UNC80: variants seen among roughly 807,000 people sequenced by gnomAD.
UNC80 encodes protein unc-80 homolog.
In UNC80, 164 loss-of-function variants were observed where a neutral mutation model predicts 384.6. The ratio of observed to expected loss-of-function variants is 0.43; its 90% CI spans 0.38 to 0.49. UNC80 has a LOEUF of 0.49. UNC80 is among the 20% of genes least tolerant of loss of function. The probability of loss-of-function intolerance (pLI) is 0.00; values close to 1 mark genes in which losing one functional copy is unlikely to be tolerated. For missense variants in UNC80, 3,330 were observed against 4,143.0 expected (o/e 0.80, Z 5.39); for synonymous variants, 1,486 against 1,527.8 (o/e 0.97, Z 0.64).
intron 24 of UNC80, among the ~76,000 whole-genome samples, chr2:209,879,139 AT>A (rs1417493383): frequency 5.9e-5 from 9 of 151,890 alleles, no homozygotes; most frequent in Non-Finnish European, 2.9e-5. Flanking sequence ...CCAAATTATT[AT>A]GTCAGTCTTT....
intron 47 of UNC80, among the ~76,000 whole-genome samples, chr2:209,948,344 C>T (rs954899743): frequency 7.2e-5 from 11 of 152,052 alleles, no homozygotes; most frequent in African/African-American, 2.4e-4. Flanking sequence ...TTGTTATCTT[C>T]GGTCTTTTTA....
intron 48 of UNC80, among the ~76,000 whole-genome samples, chr2:209,954,608 A>G (rs1575130933): frequency 6.6e-6 from 1 of 152,220 alleles, no homozygotes; most frequent in East Asian, 1.9e-4. Context: ...TAGTGAATTT[A>G]AAGATGTAAT....
chr2:209,834,908 A>G lies in UNC80; in HGVS notation c.2943-4A>G, dbSNP rs2081238769. ...GTAATTGTTGGAATGCACCATTTGC[A>G]TAGGTCAGAGGCGGGAAGCATTGTG... On this transcript the variant is annotated splice_polypyrimidine_tract_variant and splice_region_variant and intron_variant, in intron 17 of 64. Coordinates refer to ENST00000673920, the MANE Select transcript of UNC80 (RefSeq NM_001371986.1). 6.5e-7 allele frequency: 1 copy of G among 1,548,494 alleles called. No individual in the cohort carries two copies. The highest frequency in any genetic ancestry group is 8.7e-7 in the Non-Finnish European group (1 of 1,144,766).
intron 5 of UNC80, among the ~76,000 whole-genome samples, chr2:209,787,025 A>G (rs1380918766): frequency 1.4e-5 from 2 of 146,774 alleles, no homozygotes; most frequent in African/African-American, 2.5e-5. Flanking sequence ...ATATACCTAT[A>G]TATTTTTAAA....
chr2:209,902,396 A>C (rs2087513381), intron 28 of UNC80, among the ~76,000 whole-genome samples: 2 of 152,232 alleles, frequency 1.3e-5, no homozygotes, highest in African/African-American at 4.8e-5. Context: ...TACATAAACT[A>C]AGTTGATAAG....
chr2:209,843,257 A>G (rs940299349), intron 21 of UNC80, among the ~76,000 whole-genome samples: 1 of 152,246 alleles, frequency 6.6e-6, no homozygotes, highest in Non-Finnish European at 1.5e-5. Flanking sequence ...TAGTGTAACT[A>G]TTAAGCTTGA....
At chr2:209,926,747 G>A in intron 35 of UNC80, 96 bp from the exon 36 acceptor site, 1 of 1,455,576 alleles carries the variant, frequency 6.9e-7, no homozygotes, top group South Asian at 1.4e-5. Flanking sequence ...CTGTACTCCA[G>A]CCTGGGTGAC....
intron 22 of UNC80, among the ~76,000 whole-genome samples, chr2:209,867,586 T>A (rs2083944269): frequency 6.6e-6 from 1 of 152,172 alleles, no homozygotes; most frequent in South Asian, 2.1e-4. Context: ...TTTTTTCTTA[T>A]TCATCCACTG....
chr2:209,994,371 G>A (rs1489868254), intron 64 of UNC80, 107 bp downstream of exon 64: 10 of 1,021,840 alleles, frequency 9.8e-6, no homozygotes, highest in Non-Finnish European at 1.4e-5. Context: ...GGTCTGCAAT[G>A]CTTTGTTATC....
intron 22 of UNC80, among the ~76,000 whole-genome samples, chr2:209,854,974 C>T (rs2082792744): frequency 6.6e-6 from 1 of 152,172 alleles, no homozygotes; most frequent in Admixed American, 6.6e-5. Context: ...ATAAGTCATT[C>T]TACTGTAAAA....
intron 21 of UNC80, among the ~76,000 whole-genome samples, chr2:209,849,004 T>C: frequency 6.6e-6 from 1 of 152,266 alleles, no homozygotes; most frequent in African/African-American, 2.4e-5. Context: ...GCTGTACCAA[T>C]TTGTACAGCA....
intron 35 of UNC80, among the ~76,000 whole-genome samples, chr2:209,926,603 C>T (rs114109799): frequency 3.9e-5 from 6 of 152,064 alleles, no homozygotes; most frequent in Admixed American, 2.6e-4. Context: ...ACAGTGAGGA[C>T]TCATCCTACA....
intron 29 of UNC80, among the ~76,000 whole-genome samples, chr2:209,907,688 G>A (rs182141614): frequency 1.1e-3 from 161 of 152,286 alleles, no homozygotes; most frequent in Middle Eastern, 3.4e-3. Flanking sequence ...TTTATCCTGC[G>A]AGCAGTGGCA....
intron 7 of UNC80, chr2:209,795,523 T>C (rs963688878): frequency 6.6e-6 from 1 of 152,132 alleles, no homozygotes; most frequent in Non-Finnish European, 1.5e-5. Context: ...CTCCAAGCCA[T>C]GTCAGAGACC....
chr2:209,901,256 A>G (rs1478728569), intron 28 of UNC80, among the ~76,000 whole-genome samples: 1 of 152,156 alleles, frequency 6.6e-6, no homozygotes, highest in African/African-American at 2.4e-5. Context: ...TTAGGGGTTA[A>G]TGCATCTGGC....
rs113865560 is a variant in UNC80 at position 209,896,308 on chromosome 2, T to C, written c.4481-5T>C. On this transcript the variant is annotated splice_polypyrimidine_tract_variant and splice_region_variant and intron_variant, in intron 27 of 64. Coordinates refer to ENST00000673920, the MANE Select transcript of UNC80 (RefSeq NM_001371986.1). ...GAAACCTTTCTTGGTATTTTTCTTT[T>C]GAAGAAGGGAGTCCTTGGAGTGCAA... 494 of 1,551,402 alleles carry C rather than the reference T, an allele frequency of 3.2e-4. 2 individuals are homozygous for C. In the African/African-American group the frequency reaches 6.2e-3, roughly 20 times the overall value.
chr2:209,820,919 C>T (rs190015868), intron 13 of UNC80, among the ~76,000 whole-genome samples: 4 of 152,244 alleles, frequency 2.6e-5, no homozygotes, highest in Admixed American at 6.5e-5. Flanking sequence ...ATTCTCTAGT[C>T]GTTATTTCTG....
chr2:209,826,099 C>T, intron 14 of UNC80, 46 bp downstream of exon 14: 1 of 1,512,874 alleles, frequency 6.6e-7, no homozygotes, highest in South Asian at 1.3e-5. Flanking sequence ...TCTTCCTTCC[C>T]TTCTGTTTAA....
chr2:209,885,287 A>G (rs1273416398), intron 25 of UNC80, among the ~76,000 whole-genome samples: 1 of 152,188 alleles, frequency 6.6e-6, no homozygotes, highest in Non-Finnish European at 1.5e-5. Flanking sequence ...ACAAAAAATT[A>G]CTTTCTGAAG....
Sources: allele counts gnomAD v4.1 joint callset (sites outside exome capture counted in the v4.1 genomes callset), GRCh38; gene constraint gnomAD v4.1.1; transcripts MANE v1.5; gene names NCBI Gene and HGNC (gene_info 2026-07-23, HGNC 2026-07-21).